Variants in SLAIN1 observed in about 807,000 individuals in gnomAD.
SLAIN1 encodes the protein SLAIN motif-containing protein 1.
Under a neutral mutation model 55.4 loss-of-function variants are expected in SLAIN1, and 17 were observed. That is an observed-to-expected ratio of 0.31 (90% CI 0.21 to 0.46). The LOEUF (loss-of-function observed/expected upper bound fraction) is 0.46, where lower values mean the gene tolerates loss of function less well. Ranked by LOEUF, SLAIN1 falls within the 20% of genes least tolerant of loss-of-function variation. The pLI, the probability that SLAIN1 is intolerant of heterozygous loss-of-function variation, is 1.00. For synonymous variants in SLAIN1, 348 were observed against 337.4 expected, an observed-to-expected ratio of 1.03 and a Z score of -0.35; for missense variants, 682 against 785.1, an observed-to-expected ratio of 0.87 and a Z score of 1.57.
At position 77,700,587 on chromosome 13, in the gene SLAIN1, T is replaced by A. The variant is rs117262889; in HGVS notation, c.626+2048T>A. On this transcript the variant is annotated intron_variant, in intron 1 of 6. Coordinates refer to ENST00000418532, the MANE Select transcript of SLAIN1 (RefSeq NM_001242868.2). Reference sequence around the variant, plus strand: ...TTGTTTGCATTGCAAATCTTTTTGATGAAGAAAATATCAACAGGGTTTAAT... The same window carrying A: ...TTGTTTGCATTGCAAATCTTTTTGAAGAAGAAAATATCAACAGGGTTTAAT... Among the ~76,000 whole-genome samples, 469 of 152,350 alleles carry A rather than the reference T, an allele frequency of 3.1e-3. 1 individual carries two copies. Among genetic ancestry groups the A allele is most frequent in the Non-Finnish European group, 4.3e-3 (295 of 68,014 alleles).
At chr13:77,712,453 CCATTCA>C (rs1254119415) in intron 1 of SLAIN1, among the ~76,000 whole-genome samples, 2 of 152,080 alleles carry the variant, frequency 1.3e-5, no homozygotes, top group Admixed American at 1.3e-4. Context: ...GAGTGAACTC[CCATTCA>C]CAATTGCTAC....
At chr13:77,713,862 G>GTCC (rs1201587260) in intron 1 of SLAIN1, among the ~76,000 whole-genome samples, 3 of 152,150 alleles carry the variant, frequency 2.0e-5, no homozygotes, top group African/African-American at 7.2e-5. Context: ...ATGAGTTCAT[G>GTCC]TCCTTTGCAG....
intron 2 of SLAIN1, among the ~76,000 whole-genome samples, chr13:77,740,888 C>T (rs1297337913): frequency 1.3e-5 from 2 of 152,054 alleles, no homozygotes; most frequent in Non-Finnish European, 2.9e-5. Flanking sequence ...TAACCTTGGG[C>T]ACTAGTGGAG....
intron 2 of SLAIN1, among the ~76,000 whole-genome samples, chr13:77,729,471 T>C (rs1435846270): frequency 6.6e-6 from 1 of 152,018 alleles, no homozygotes; most frequent in East Asian, 1.9e-4. Flanking sequence ...ACTGTGACGG[T>C]TGATTAAATT....
intron 1 of SLAIN1, among the ~76,000 whole-genome samples, chr13:77,707,497 TA>T (rs1225591808): frequency 1.3e-5 from 2 of 152,160 alleles, no homozygotes; most frequent in Non-Finnish European, 2.9e-5. Context: ...GTGTTTCATG[TA>T]AAAGGAATAT....
intron 2 of SLAIN1, chr13:77,743,066 T>G: frequency 1.5e-6 from 2 of 1,302,362 alleles, no homozygotes; most frequent in Non-Finnish European, 2.0e-6. Flanking sequence ...GGCTTTTCCT[T>G]ATAGTCCTGT....
intron 1 of SLAIN1, among the ~76,000 whole-genome samples, chr13:77,717,882 A>T (rs1487932608): frequency 6.6e-6 from 1 of 152,180 alleles, no homozygotes; most frequent in African/African-American, 2.4e-5. Context: ...GGCATGAGAC[A>T]TTGAGAATAA....
At chr13:77,708,698 CAGAA>C (rs1401788979) in intron 1 of SLAIN1, among the ~76,000 whole-genome samples, 2 of 152,142 alleles carry the variant, frequency 1.3e-5, no homozygotes, top group East Asian at 3.9e-4. Context: ...AACTAACAAA[CAGAA>C]AGGAATAGCA....
intron 5 of SLAIN1, among the ~76,000 whole-genome samples, chr13:77,757,203 G>A (rs1262143750): frequency 6.6e-6 from 1 of 152,060 alleles, no homozygotes; most frequent in Non-Finnish European, 1.5e-5. Context: ...TTGTGTTAGT[G>A]CAGTAGACTT....
intron 4 of SLAIN1, among the ~76,000 whole-genome samples, chr13:77,747,196 G>A (rs1193737606): frequency 6.6e-6 from 1 of 152,016 alleles, no homozygotes; most frequent in Non-Finnish European, 1.5e-5. Flanking sequence ...GCCCGCCTTA[G>A]CCTCCCAAAG....
chr13:77,719,727 T>A, intron 2 of SLAIN1, 56 bp downstream of exon 2: 1 of 1,574,918 alleles, frequency 6.3e-7, no homozygotes, highest in South Asian at 1.2e-5. Context: ...TCAGTGCTGC[T>A]TTTGTTGCTG....
At chr13:77,705,566 T>C (rs1241553065) in intron 1 of SLAIN1, among the ~76,000 whole-genome samples, 2 of 151,972 alleles carry the variant, frequency 1.3e-5, no homozygotes, top group African/African-American at 4.8e-5. Context: ...TAAATGTTAC[T>C]TGCATTCTAA....
intron 5 of SLAIN1, 131 bp downstream of exon 5, chr13:77,753,489 C>T (rs377666803): frequency 5.4e-5 from 22 of 407,492 alleles, no homozygotes; most frequent in East Asian, 2.3e-4. Flanking sequence ...TTTTCCTTGC[C>T]GTGTAACTTA....
Position 77,760,995 on chromosome 13 carries a change from A to T in SLAIN1, c.1582A>T (p.Thr528Ser). The T allele has an allele frequency of 6.2e-7, 1 of 1,614,188 alleles. No homozygotes were observed. Among genetic ancestry groups the T allele is most frequent in the South Asian group, 1.1e-5 (1 of 91,078 alleles). The change falls in exon 6 of 7, where the codon ACA becomes TCA. Residue 528 changes from threonine to serine, a missense_variant. Around this residue, in one of 3 missense-constraint regions of SLAIN1, gnomAD observed 244 missense variants for 295.2 expected, o/e 0.83. Coordinates refer to ENST00000418532, the MANE Select transcript of SLAIN1 (RefSeq NM_001242868.2). ...GCTGTATTCCAACACAGGAATCCCC[A>T]CACCGAACAAAGCTGCAGCTTCTGG... ...LQLYSNTGIP[T>S]PNKAAASGIM...
intron 2 of SLAIN1, 115 bp from the exon 3 acceptor site, chr13:77,744,168 A>AT: frequency 1.2e-6 from 1 of 802,776 alleles, no homozygotes; most frequent in Non-Finnish European, 2.2e-6. Context: ...CATGTTGGTG[A>AT]TTTTTGTAAC....
intron 1 of SLAIN1, among the ~76,000 whole-genome samples, chr13:77,710,808 C>T (rs2091141432): frequency 6.6e-6 from 1 of 152,200 alleles, no homozygotes; most frequent in Non-Finnish European, 1.5e-5. Flanking sequence ...CCATGTCACA[C>T]TTATTCTAAA....
chr13:77,735,857 C>T (rs1873092674), intron 2 of SLAIN1, among the ~76,000 whole-genome samples: 1 of 151,980 alleles, frequency 6.6e-6, no homozygotes, highest in African/African-American at 2.4e-5. Context: ...TTCTCAGGAC[C>T]TTCCCTGTGG....
In SLAIN1 at chr13:77,756,961, T is replaced by C. The variant is rs141703571; in HGVS notation, c.1414+3603T>C. ...TATCTTGATATGATTAGTGGTTACA[T>C]GAACATATGCACTTTGAAAATTCAC... On this transcript the variant is annotated intron_variant, in intron 5 of 6. Transcript: ENST00000418532. Among the ~76,000 whole-genome samples, 23 of 152,226 alleles carry C rather than the reference T, an allele frequency of 1.5e-4. No individual in the cohort carries two copies. The East Asian group carries it at 2.1e-3, about 14-fold the overall frequency.
intron 2 of SLAIN1, among the ~76,000 whole-genome samples, chr13:77,720,316 G>C (rs1279445): frequency 0.17 from 25,414 of 151,964 alleles, 2,509 homozygotes; most frequent in African/African-American, 0.29. Flanking sequence ...GCATCTGTTT[G>C]ATCCTCTGGG....
Sources: gnomAD v4.1 joint callset for allele counts (sites outside exome capture counted in the v4.1 genomes callset) on GRCh38, gnomAD v4.1.1 for gene constraint, gnomAD v4.1.1 regional missense constraint, MANE v1.5 for transcripts, NCBI Gene and HGNC (gene_info 2026-07-23, HGNC 2026-07-21) for gene names.